Variants in DMD observed in about 807,000 individuals in gnomAD.
The protein encoded by DMD is mutant dystrophin.
In DMD, 63 loss-of-function variants were observed where a neutral mutation model predicts 330.1. The observed-to-expected ratio is 0.19, with a 90% CI of 0.16 to 0.24. The LOEUF (loss-of-function observed/expected upper bound fraction) is 0.24. Among genes scored for constraint, DMD ranks in the 10% least tolerant of loss-of-function variants. The probability of loss-of-function intolerance (pLI) is 1.00; values close to 1 mark genes in which losing one functional copy is unlikely to be tolerated. For missense variants in DMD, 3,344 were observed against 2,684.1 expected (o/e 1.25, Z -5.43); for synonymous variants, 1,223 against 959.8 (o/e 1.27, Z -5.07).
At chrX:33,011,321 C>G (rs1240344116) in intron 2 of DMD, among the ~76,000 whole-genome samples, 1 of 111,641 alleles carries the variant, frequency 9.0e-6, no homozygotes, top group Non-Finnish European at 1.9e-5. Context: ...CACAACCTCT[C>G]TTCTTCACTC....
chrX:32,694,132 A>G (rs1346210034), intron 9 of DMD, among the ~76,000 whole-genome samples: 1 of 111,175 alleles, frequency 9.0e-6, no homozygotes, highest in East Asian at 2.8e-4. Context: ...TGCCACATCT[A>G]TCTTCTCCTT....
chrX:32,786,989 G>A (rs980719022), intron 7 of DMD, among the ~76,000 whole-genome samples: 3 of 111,666 alleles, frequency 2.7e-5, no homozygotes, highest in Non-Finnish European at 5.6e-5. Context: ...CCCAGCTTCA[G>A]AAGTTGAGTT....
At chrX:32,845,588 C>T (rs1431970047) in intron 3 of DMD, among the ~76,000 whole-genome samples, 2 of 111,704 alleles carry the variant, frequency 1.8e-5, no homozygotes, top group African/African-American at 3.3e-5. Context: ...CACTCACTCA[C>T]CATTTTTTTC....
intron 7 of DMD, among the ~76,000 whole-genome samples, chrX:32,712,406 C>A (rs1490798139): frequency 9.0e-6 from 1 of 111,385 alleles, no homozygotes; most frequent in Non-Finnish European, 1.9e-5. Context: ...ATATCTAATT[C>A]TTAAATGTGA....
chrX:31,400,181 G>A (rs1207297604), intron 60 of DMD, among the ~76,000 whole-genome samples: 1 of 111,479 alleles, frequency 9.0e-6, no homozygotes. Context: ...GCTGGGAACT[G>A]CTTAGGGCAA....
chrX:31,312,172 C>A (rs763845936), intron 62 of DMD, among the ~76,000 whole-genome samples: 1 of 112,126 alleles, frequency 8.9e-6, no homozygotes, highest in South Asian at 3.7e-4. Context: ...AATAGGCAAC[C>A]TACAGAATGG....
At chrX:31,740,543 G>A (rs1450509355) in intron 51 of DMD, among the ~76,000 whole-genome samples, 1 of 112,250 alleles carries the variant, frequency 8.9e-6, no homozygotes, top group Non-Finnish European at 1.9e-5. Flanking sequence ...GAATATTTTT[G>A]GTTCCCCAGT....
At chrX:32,778,243 C>CAAAAAAAAAAAA (rs35311570) in intron 7 of DMD, among the ~76,000 whole-genome samples, 4 of 67,644 alleles carry the variant, frequency 5.9e-5, no homozygotes, top group Admixed American at 1.7e-4. Context: ...CAGATCCTCG[C>CAAAAAAAAAAAA]AAAAAAAAAA....
intron 44 of DMD, among the ~76,000 whole-genome samples, chrX:32,196,986 C>CAAAAAAAAAAAAAAAAAAAAAAA (rs71872245): frequency 1.2e-4 from 6 of 49,621 alleles, no homozygotes; most frequent in Non-Finnish European, 2.0e-4. Context: ...GACTCCATCT[C>CAAAAAAAAAAAAAAAAAAAAAAA]AAAAAAAAAA....
At chrX:32,640,318 G>A (rs1163945259) in intron 11 of DMD, among the ~76,000 whole-genome samples, 1 of 107,376 alleles carries the variant, frequency 9.3e-6, no homozygotes, top group East Asian at 2.9e-4. Context: ...TGACACTATT[G>A]CTGTTTTACA....
chrX:33,299,992 C>A (rs1055076503), intron 1 of DMD, among the ~76,000 whole-genome samples: 8 of 111,580 alleles, frequency 7.2e-5, no homozygotes, highest in Non-Finnish European at 1.5e-4. Context: ...TCAGAAGAGA[C>A]AATGAATACT....
At chrX:32,777,681 G>C (rs1347574781) in intron 7 of DMD, among the ~76,000 whole-genome samples, 1 of 111,768 alleles carries the variant, frequency 8.9e-6, no homozygotes, top group Non-Finnish European at 1.9e-5. Context: ...TTGGTATTTA[G>C]ACATGTAAAT....
chrX:31,666,179 T>C (rs771351131), intron 53 of DMD, among the ~76,000 whole-genome samples: 2 of 111,430 alleles, frequency 1.8e-5, no homozygotes, highest in East Asian at 2.8e-4. Flanking sequence ...CATGAGCATA[T>C]TGTGGTAGAC....
chrX:31,724,686 CTG>C (rs1385795248), intron 52 of DMD, among the ~76,000 whole-genome samples: 1 of 112,125 alleles, frequency 8.9e-6, no homozygotes, highest in Admixed American at 9.5e-5. Flanking sequence ...CCAGTTCTCT[CTG>C]TACCAAATCC....
chrX:31,604,502 G>A (rs1204470064), intron 55 of DMD, among the ~76,000 whole-genome samples: 5 of 111,719 alleles, frequency 4.5e-5, no homozygotes. Flanking sequence ...CAAGTCGAGT[G>A]AAGGCATTTT....
intron 59 of DMD, among the ~76,000 whole-genome samples, chrX:31,476,500 C>A (rs941301816): frequency 6.4e-5 from 6 of 93,900 alleles, no homozygotes; most frequent in Non-Finnish European, 1.2e-4. Context: ...CCAAATATGC[C>A]ATCACATATA....
chrX:33,018,413 T>G (rs1408553140), intron 2 of DMD, among the ~76,000 whole-genome samples: 1 of 111,855 alleles, frequency 8.9e-6, no homozygotes, highest in Non-Finnish European at 1.9e-5. Context: ...GAAAAAAATA[T>G]ACCGAATTGC....
At position 32,903,678 on chromosome X, in the gene DMD, G is replaced by A. The variant is rs1205167433; in HGVS notation, c.94-53858C>T. Among the ~76,000 whole-genome samples the A allele has an allele frequency of 7.0e-4, 78 of 111,239 alleles. 1 individual carries two copies. In the Admixed American group the frequency reaches 7.2e-3, roughly 10 times the overall value. ...AACTACACAATCAGATTTATATTGTGGAATGAACACTAATCCTGGCAGTAT... is the reference window on the plus strand; with the variant it reads ...AACTACACAATCAGATTTATATTGTAGAATGAACACTAATCCTGGCAGTAT... On this transcript the variant is annotated intron_variant, in intron 2 of 78. Coordinates refer to ENST00000357033, the MANE Select transcript of DMD (RefSeq NM_004006.3).
intron 49 of DMD, among the ~76,000 whole-genome samples, chrX:31,830,392 C>T (rs1480267563): frequency 4.5e-5 from 5 of 111,970 alleles, no homozygotes; most frequent in Non-Finnish European, 7.5e-5. Flanking sequence ...GTCGGGAGTT[C>T]GAGACCAGCT....
Sources: allele counts gnomAD v4.1 joint callset (sites outside exome capture counted in the v4.1 genomes callset), GRCh38; gene constraint gnomAD v4.1.1; transcripts MANE v1.5; gene names NCBI Gene and HGNC (gene_info 2026-07-23, HGNC 2026-07-21).